MDGA2: variants seen among roughly 807,000 people sequenced by gnomAD.
MDGA2 encodes the protein MAM domain containing glycosylphosphatidylinositol anchor 2.
In MDGA2, 40 loss-of-function variants were observed where a neutral mutation model predicts 117.8. The observed-to-expected ratio is 0.34, with a 90% CI of 0.26 to 0.44. MDGA2 has a LOEUF of 0.44. Ranked by LOEUF, MDGA2 falls within the 20% of genes least tolerant of loss-of-function variation. The pLI, the probability that MDGA2 is intolerant of heterozygous loss-of-function variation, is 1.00. For synonymous variants in MDGA2, 452 were observed against 439.0 expected (o/e 1.03, Z -0.37); for missense variants, 1,123 against 1,250.6 (o/e 0.90, Z 1.54).
chr14:47,024,890 G>T (rs796129472), intron 8 of MDGA2, among the ~76,000 whole-genome samples: 2 of 152,012 alleles, frequency 1.3e-5, no homozygotes, highest in African/African-American at 4.8e-5. Flanking sequence ...ATATTCATTT[G>T]CCAGGAGAAA....
intron 6 of MDGA2, among the ~76,000 whole-genome samples, chr14:47,065,877 T>C (rs992925643): frequency 2.0e-5 from 3 of 152,186 alleles, no homozygotes; most frequent in African/African-American, 7.2e-5. Flanking sequence ...TTATGTTTTA[T>C]AATCAGGTTG....
At position 46,855,558 on chromosome 14, in the gene MDGA2, A is replaced by G. The variant is rs1325367269; in HGVS notation, c.2753-404T>C. ...GGTTTCCAAGATGGAGGAAGGGGCT[A>G]CAAGGACTACTGGCAGCTTCTTGAA... is the stretch of plus-strand genomic sequence containing the variant. On this transcript the variant is annotated intron_variant, in intron 14 of 16. Transcript: ENST00000399232. This position sits in a 1 kb window ranked among gnomAD's most constrained non-coding sequence, Gnocchi z 4.1. Among the ~76,000 whole-genome samples the G allele has an allele frequency of 6.6e-6, 1 of 152,154 alleles. No individual in the cohort carries two copies.
At chr14:47,124,744 C>T (rs905021769) in intron 5 of MDGA2, among the ~76,000 whole-genome samples, 1 of 151,904 alleles carries the variant, frequency 6.6e-6, no homozygotes, top group African/African-American at 2.4e-5. Context: ...GTTTGGGACA[C>T]TAGAGGAAGG....
intron 1 of MDGA2, among the ~76,000 whole-genome samples, chr14:47,328,863 T>C (rs1223799649): frequency 6.6e-6 from 1 of 152,080 alleles, no homozygotes; most frequent in Non-Finnish European, 1.5e-5. Context: ...GCGGAGAATA[T>C]AAGTGTTTTG....
chr14:47,166,584 T>C (rs758871156), intron 3 of MDGA2, among the ~76,000 whole-genome samples: 26 of 152,296 alleles, frequency 1.7e-4, no homozygotes, highest in Admixed American at 1.4e-3. Flanking sequence ...GCACCTCTTC[T>C]AAGAATAGGT....
Position 46,867,579 on chromosome 14 carries a change from T to A in MDGA2, c.2752+5854A>T, listed in dbSNP as rs114618242. On this transcript the variant is annotated intron_variant, in intron 14 of 16. Coordinates refer to ENST00000399232, the MANE Select transcript of MDGA2 (RefSeq NM_001113498.3). ...AAGAGAAACTTAATGATTAGTTAAT[T>A]TCAGATTCTTTACATTCCTTCTCTA... is the stretch of plus-strand genomic sequence containing the variant. 3.2e-3 allele frequency among the ~76,000 whole-genome samples: 485 copies of A among 151,960 alleles called. 3 individuals carry two copies. The highest frequency in any genetic ancestry group is 0.011 in the African/African-American group (462 of 41,484).
chr14:47,101,503 T>C (rs770934453), intron 5 of MDGA2, among the ~76,000 whole-genome samples: 1 of 152,156 alleles, frequency 6.6e-6, no homozygotes, highest in South Asian at 2.1e-4. Context: ...AGTTTGTCCC[T>C]TCCTATTTGA....
chr14:47,191,170 G>A (rs1192958372), intron 3 of MDGA2, among the ~76,000 whole-genome samples: 1 of 151,770 alleles, frequency 6.6e-6, no homozygotes, highest in African/African-American at 2.4e-5. Context: ...ACAAGTATGT[G>A]TCTATTTTCC....
At chr14:47,186,154 G>T (rs1256623944) in intron 3 of MDGA2, among the ~76,000 whole-genome samples, 2 of 151,486 alleles carry the variant, frequency 1.3e-5, no homozygotes, top group Admixed American at 1.3e-4. Context: ...TTATTTTATT[G>T]AAGTTCTTGA....
intron 3 of MDGA2, among the ~76,000 whole-genome samples, chr14:47,158,221 G>C (rs1883479913): frequency 6.6e-6 from 1 of 152,104 alleles, no homozygotes; most frequent in African/African-American, 2.4e-5. Flanking sequence ...AGAGGTTTGT[G>C]GTCTAGGGTT....
intron 16 of MDGA2, among the ~76,000 whole-genome samples, chr14:46,843,757 G>C (rs2138264575): frequency 6.6e-6 from 1 of 152,072 alleles, no homozygotes; most frequent in African/African-American, 2.4e-5. Context: ...ATCTAGACTG[G>C]TACAGTTTCT....
chr14:47,096,790 A>T, intron 6 of MDGA2, 64 bp downstream of exon 6: 1 of 1,509,652 alleles, frequency 6.6e-7, no homozygotes, highest in Non-Finnish European at 9.1e-7. Context: ...TATATCAACC[A>T]TTATTTGCTT....
At chr14:47,274,842 T>G (rs1321785940) in intron 2 of MDGA2, among the ~76,000 whole-genome samples, 4 of 152,178 alleles carry the variant, frequency 2.6e-5, no homozygotes, top group Non-Finnish European at 4.4e-5. Context: ...TTTTACGCAC[T>G]TATTGAACAC....
intron 3 of MDGA2, among the ~76,000 whole-genome samples, chr14:47,176,092 A>C (rs1884431690): frequency 6.6e-6 from 1 of 152,202 alleles, no homozygotes; most frequent in African/African-American, 2.4e-5. Flanking sequence ...CCAACTTATA[A>C]GGGATGTGAA....
chr14:47,081,384 TTAAG>T (rs1257523023), intron 6 of MDGA2, among the ~76,000 whole-genome samples: 1 of 152,098 alleles, frequency 6.6e-6, no homozygotes, highest in African/African-American at 2.4e-5. Flanking sequence ...TATTTTCCAA[TTAAG>T]TAATATTTTA....
intron 9 of MDGA2, among the ~76,000 whole-genome samples, chr14:46,938,862 T>C (rs1884888889): frequency 6.6e-6 from 1 of 152,168 alleles, no homozygotes; most frequent in African/African-American, 2.4e-5. Flanking sequence ...AAATCAACCT[T>C]AGTATCCATT....
At chr14:47,256,473 C>A (rs571727247) in intron 2 of MDGA2, among the ~76,000 whole-genome samples, 1 of 152,208 alleles carries the variant, frequency 6.6e-6, no homozygotes, top group Admixed American at 6.6e-5. Context: ...TTTCTCTGGT[C>A]CTCCTTACTT....
chr14:47,531,625 T>C (rs1895103358), intron 1 of MDGA2, among the ~76,000 whole-genome samples: 1 of 150,812 alleles, frequency 6.6e-6, no homozygotes, highest in Admixed American at 6.6e-5. Flanking sequence ...GCATAGCATG[T>C]TCACTGTTGT....
intron 3 of MDGA2, among the ~76,000 whole-genome samples, chr14:47,203,680 G>A (rs548903135): frequency 1.3e-5 from 2 of 152,048 alleles, no homozygotes; most frequent in Non-Finnish European, 2.9e-5. Flanking sequence ...AAGGCTTTGT[G>A]AACCAGGGTA....
Sources: allele counts gnomAD v4.1 joint callset (sites outside exome capture counted in the v4.1 genomes callset), GRCh38; gene constraint gnomAD v4.1.1; non-coding constraint Gnocchi (gnomAD v3.1); transcripts MANE v1.5; gene names NCBI Gene and HGNC (gene_info 2026-07-23, HGNC 2026-07-21).